Variants in CIITA observed in about 807,000 individuals in gnomAD.
CIITA encodes the protein class II major histocompatibility complex transactivator.
CIITA carries 72 observed loss-of-function variants against 115.1 expected under a neutral mutation model. That is an observed-to-expected ratio of 0.63 (90% confidence interval 0.52 to 0.76). The LOEUF (loss-of-function observed/expected upper bound fraction) is 0.76. CIITA is among the 30% of genes least tolerant of loss of function. CIITA has a pLI of 0.00. For synonymous variants in CIITA, 763 were observed against 635.6 expected (o/e 1.20, Z -3.02); for missense variants, 1,617 against 1,463.8 (o/e 1.10, Z -1.71).
intron 1 of CIITA, among the ~76,000 whole-genome samples, chr16:10,885,706 G>A (rs1214523827): frequency 6.6e-6 from 1 of 152,100 alleles, no homozygotes; most frequent in East Asian, 1.9e-4. Context: ...CTGGGCTCTT[G>A]GGCACAAATC....
At position 10,942,619 on chromosome 16, in the gene CIITA, T is replaced by A. The variant is rs991635172; in HGVS notation, n.1745T>A. On this transcript the variant is annotated non_coding_transcript_exon_variant, in exon 2 of 2. Transcript: ENST00000573379. The surrounding 1 kb of genome is among the most constrained non-coding windows in gnomAD (Gnocchi z 5.0). The stretch of plus-strand genomic sequence containing the variant: ...CCCCTCGGGGCCCTAGCGTCTGAGT[T>A]GCTTTCCTGGTTCGGGTCTGCCCTC... 2.6e-5 allele frequency: 4 copies of A among 152,332 alleles called. No individual in the cohort carries two copies. Among genetic ancestry groups the A allele is most frequent in the African/African-American group, 9.6e-5 (4 of 41,476 alleles). 9.4% of individuals were successfully genotyped at this position (152,332 alleles called of 1,614,324 possible). A position where few individuals can be genotyped will look rare whatever the true frequency, so the allele number is the denominator to read the frequency against.
In CIITA at chr16:10,908,179, C is replaced by G. The variant is rs1210279127; in HGVS notation, c.2657+30C>G. ...GGTGAGGGGCTTGGGGAAGAGACATCCTTGTGTTGGGCATTAACTGCGGTC... is the reference window on the plus strand; with the variant it reads ...GGTGAGGGGCTTGGGGAAGAGACATGCTTGTGTTGGGCATTAACTGCGGTC... On this transcript the variant is annotated intron_variant, in intron 11 of 19. Transcript: ENST00000324288. The G allele has an allele frequency of 2.6e-6, 4 of 1,551,122 alleles. No homozygotes were observed. In the African/African-American group the frequency reaches 4.1e-5, roughly 16 times the overall value.
Position 10,901,959 on chromosome 16 carries a change from C to T in CIITA, c.482-79C>T. The T allele has an allele frequency of 6.4e-7, 1 of 1,555,690 alleles. No homozygotes were observed. ...CATTTCCTCTGTCAGGAGAGACATC[C>T]ATGCCACTCCAGGGCCCTCCCCATC... On this transcript the variant is annotated intron_variant, in intron 6 of 19. Transcript: ENST00000324288. This position sits in a 1 kb window ranked among gnomAD's most constrained non-coding sequence, Gnocchi z 6.8.
intron 1 of CIITA, among the ~76,000 whole-genome samples, chr16:10,869,654 A>T (rs1481348958): frequency 6.6e-6 from 1 of 151,898 alleles, no homozygotes; most frequent in East Asian, 1.9e-4. Flanking sequence ...AATAGCTGGG[A>T]TTACAGGTTT....
In CIITA at chr16:10,906,963, C is replaced by A; in HGVS notation, c.1471C>A (p.Pro491Thr). Residue 491 changes from proline to threonine, a missense_variant, in exon 11 of 20, where the codon CCT (proline) becomes ACT (threonine). Transcript: ENST00000324288. ...GGTTTTCAGCCACATCTTGAAGAGA[C>A]CTGACCGCGTTCTGCTCATCCTAGA... is the stretch of plus-strand genomic sequence containing the variant. The part of the protein sequence containing the change: ...DEVFSHILKR[P>T]DRVLLILDGF... 2.5e-6 allele frequency: 4 copies of A among 1,612,670 alleles called. No homozygotes were observed. The highest frequency in any genetic ancestry group is 3.4e-6 in the Non-Finnish European group (4 of 1,179,912).
chr16:10,900,802 A>G (rs74007575), intron 5 of CIITA, among the ~76,000 whole-genome samples: 3,186 of 152,232 alleles, frequency 0.021, 111 homozygotes, highest in African/African-American at 0.074. Flanking sequence ...ATGAAGGTCC[A>G]TATACCCACC....
Position 10,925,330 on chromosome 16 carries a change from C to A in CIITA, c.*1475C>A, listed in dbSNP as rs185912115. On this transcript the variant is annotated 3_prime_UTR_variant, in exon 20 of 20. Coordinates refer to ENST00000324288, the MANE Select transcript of CIITA (RefSeq NM_000246.4). ...TGCTACATATATATGTTTTAAGAGG[C>A]AGGGTCTCACTCTGTCGCCCAGTCT... 1.3e-5 allele frequency: 2 copies of A among 152,348 alleles called. No individual in the cohort carries two copies. Among genetic ancestry groups the A allele is most frequent in the African/African-American group, 2.4e-5 (1 of 41,560 alleles). The allele number at this position is 152,348 out of a possible 1,614,324, so 9.4% of individuals were successfully genotyped here.
At position 10,902,807 on chromosome 16, in the gene CIITA, T is replaced by C. The variant is rs369527269; in HGVS notation, c.772+6T>C. 8.7e-6 allele frequency: 14 copies of C among 1,613,956 alleles called. No homozygotes were observed. The African/African-American group carries it at 1.9e-4, about 22-fold the overall frequency. On this transcript the variant is annotated splice_donor_region_variant and intron_variant, in intron 8 of 19. Transcript: ENST00000324288. ...CAGTATATTCATCTACCATGGTGAG[T>C]GCGGGGCCTGGCTCCCCGACCACCT...
chr16:10,922,563 C>A, intron 18 of CIITA, 73 bp downstream of exon 18: 1 of 1,482,496 alleles, frequency 6.7e-7, no homozygotes, highest in Non-Finnish European at 9.4e-7. Context: ...GACCCCGGAG[C>A]TCAAATCATG....
intron 3 of CIITA, among the ~76,000 whole-genome samples, chr16:10,897,853 C>A (rs1443819032): frequency 2.6e-5 from 4 of 152,180 alleles, no homozygotes; most frequent in East Asian, 1.9e-4. Flanking sequence ...GGCCATCATT[C>A]CATTCCTCAG....
intron 14 of CIITA, 120 bp from the exon 15 acceptor site, chr16:10,916,247 G>A (rs1013438807): frequency 4.6e-6 from 4 of 870,526 alleles, no homozygotes; most frequent in Non-Finnish European, 7.6e-6. Flanking sequence ...TGCCTATGGT[G>A]TATTAGAGCT....
chr16:10,889,159 C>G (rs923449975), intron 1 of CIITA, among the ~76,000 whole-genome samples: 34 of 152,270 alleles, frequency 2.2e-4, no homozygotes, highest in African/African-American at 8.2e-4. Flanking sequence ...CTGAAGGGCT[C>G]TCTCTCCTGC....
In CIITA at chr16:10,910,148, A is replaced by C. The variant is rs200079682; in HGVS notation, c.2817-40A>C. On this transcript the variant is annotated intron_variant, in intron 12 of 19. Coordinates refer to ENST00000324288, the MANE Select transcript of CIITA (RefSeq NM_000246.4). The stretch of plus-strand genomic sequence containing the variant: ...GACCCATGGGTAAGGGCTCAGTGAC[A>C]GCAGTGCCTGCTCCCCCTAACATTG... 78 of 1,577,622 alleles carry C rather than the reference A, an allele frequency of 4.9e-5. No homozygotes were observed. In the East Asian group the frequency reaches 1.4e-3, roughly 28 times the overall value.
intron 1 of CIITA, among the ~76,000 whole-genome samples, chr16:10,870,721 A>G (rs754379468): frequency 2.0e-5 from 3 of 152,194 alleles, no homozygotes; most frequent in Non-Finnish European, 4.4e-5. Context: ...TCATCTCTGA[A>G]ATGGGAGCAA....
intron 1 of CIITA, among the ~76,000 whole-genome samples, chr16:10,886,056 C>CG (rs1294547248): frequency 1.5e-5 from 1 of 68,154 alleles, no homozygotes; most frequent in Non-Finnish European, 4.2e-5. Flanking sequence ...ACATGTTTTG[C>CG]CTTTTTTTTT....
Position 10,893,108 on chromosome 16 carries a change from C to T in CIITA, c.53-2174C>T, listed in dbSNP as rs139323068. On this transcript the variant is annotated intron_variant, in intron 1 of 19. Transcript: ENST00000324288. ...GTGATGCAGCCACAAGACCACAAGT[C>T]AAGGATCACCAGTAGTTCCCAGCAG... Among the ~76,000 whole-genome samples, 394 of 152,198 alleles carry T rather than the reference C, an allele frequency of 2.6e-3. 2 individuals carry two copies. Among genetic ancestry groups the T allele is most frequent in the African/African-American group, 9.2e-3 (381 of 41,522 alleles).
intron 1 of CIITA, among the ~76,000 whole-genome samples, chr16:10,882,013 G>A (rs780704638): frequency 9.2e-5 from 14 of 152,070 alleles, no homozygotes; most frequent in African/African-American, 1.4e-4. Flanking sequence ...TTTCTATGGC[G>A]GAATAGTATT....
At chr16:10,887,265 G>T (rs2037049563) in intron 1 of CIITA, among the ~76,000 whole-genome samples, 1 of 152,066 alleles carries the variant, frequency 6.6e-6, no homozygotes, top group Non-Finnish European at 1.5e-5. Flanking sequence ...TGGGGGAAAG[G>T]AAAAGGAGAA....
intron 13 of CIITA, among the ~76,000 whole-genome samples, 178 bp from the exon 14 acceptor site, chr16:10,915,392 A>G (rs1450187595): frequency 6.6e-6 from 1 of 152,082 alleles, no homozygotes; most frequent in Non-Finnish European, 1.5e-5. Flanking sequence ...TACCCCAAGC[A>G]GAAAAGATTG....
Sources: gnomAD v4.1 joint callset for allele counts (sites outside exome capture counted in the v4.1 genomes callset) on GRCh38, gnomAD v4.1.1 for gene constraint, Gnocchi (gnomAD v3.1) non-coding constraint, MANE v1.5 for transcripts, NCBI Gene and HGNC (gene_info 2026-07-23, HGNC 2026-07-21) for gene names.